TAF5: variants seen among roughly 807,000 people sequenced by gnomAD.
TAF5 encodes the protein TATA-box binding protein associated factor 5.
Under a neutral mutation model 80.9 loss-of-function variants are expected in TAF5, and 20 were observed. The observed-to-expected ratio is 0.25, with a 90% confidence interval of 0.17 to 0.36. The LOEUF (loss-of-function observed/expected upper bound fraction) is 0.36. Among genes scored for constraint, TAF5 ranks in the 10% least tolerant of loss-of-function variants. The probability of loss-of-function intolerance (pLI) is 1.00; values close to 1 mark genes in which losing one functional copy is unlikely to be tolerated. For missense variants in TAF5, 863 were observed against 1,029.4 expected (o/e 0.84, Z 2.21); for synonymous variants, 388 against 406.4 (o/e 0.95, Z 0.55).
chr10:103,388,093 A>G lies in TAF5; in HGVS notation c.2273A>G (p.His758Arg). ...GATGACTTTACTACAGCCACTGGGC[A>G]TATAAATTTACCTGAGAATTCACAG... ...ETDDFTTATG[H>R]INLPENSQEL... The change falls in exon 11 of 11, where the codon CAT (histidine) becomes CGT (arginine). Residue 758 changes from histidine (H) to arginine (R), a missense_variant. His to Arg is a conservative substitution (Grantham distance 29). Coordinates refer to ENST00000369839, the MANE Select transcript of TAF5 (RefSeq NM_006951.5). 1 of 1,614,138 alleles carries G rather than the reference A, an allele frequency of 6.2e-7. No individual in the cohort carries two copies. Among genetic ancestry groups the G allele is most frequent in the Non-Finnish European group, 8.5e-7 (1 of 1,179,982 alleles).
rs200329964 is a variant in TAF5, at chr10:103,379,865, C to G, written c.1278-19C>G. ...GTTAATAGTCAAAAGGTAATTTTGA[C>G]TCTCTTTTTCTTTCACAGAATCCCT... is the stretch of plus-strand genomic sequence containing the variant. On this transcript the variant is annotated intron_variant, in intron 4 of 10. Transcript: ENST00000369839. 619 of 1,606,868 alleles carry G rather than the reference C, an allele frequency of 3.9e-4. No individual in the cohort carries two copies. Among genetic ancestry groups the G allele is most frequent in the Non-Finnish European group, 5.0e-4 (591 of 1,177,894 alleles).
intron 7 of TAF5, among the ~76,000 whole-genome samples, chr10:103,383,953 C>T (rs1483760091): frequency 1.1e-5 from 1 of 92,950 alleles, no homozygotes; most frequent in Non-Finnish European, 2.9e-5. Context: ...TTAGTATTTC[C>T]CTTTTTTTTT....
chr10:103,370,390 A>C (rs1162440071), intron 1 of TAF5, among the ~76,000 whole-genome samples: 6 of 112,018 alleles, frequency 5.4e-5, no homozygotes, highest in African/African-American at 2.1e-4. Context: ...CAGTGGTGTG[A>C]TCTTGGCTCA....
In TAF5 at chr10:103,368,699, G is replaced by T; in HGVS notation, c.559+151G>T. On this transcript the variant is annotated intron_variant, in intron 1 of 10. Coordinates refer to ENST00000369839, the MANE Select transcript of TAF5 (RefSeq NM_006951.5). ...ATGCCCGCCCCTTTCTCTAGTGCGC[G>T]GGCTGCGCAGTCAAACCCCCTTCCG... 3 of 1,092,818 alleles carry T rather than the reference G, an allele frequency of 2.7e-6. No individual in the cohort carries two copies. The South Asian group carries it at 6.1e-5, about 22-fold the overall frequency. The allele number at this position is 1,092,818 out of a possible 1,614,324, so 67.7% of individuals were successfully genotyped here.
Position 103,368,325 on chromosome 10 carries a change from C to G in TAF5, c.336C>G (p.Ala112=), listed in dbSNP as rs78702046. The change falls in exon 1 of 11, where the codon GCC becomes GCG. Residue 112 remains alanine, a synonymous_variant. Coordinates refer to ENST00000369839, the MANE Select transcript of TAF5 (RefSeq NM_006951.5). The part of the protein sequence containing the change: ...QFLRQSKLRE[A]EEALRREAGL... ...TACGGCAGAGCAAACTCCGCGAGGCCGAAGAGGCGCTGCGCCGTGAGGCCG... is the reference window on the plus strand; with the variant it reads ...TACGGCAGAGCAAACTCCGCGAGGCGGAAGAGGCGCTGCGCCGTGAGGCCG... 1 of 1,582,422 alleles carries G rather than the reference C, an allele frequency of 6.3e-7. No individual in the cohort carries two copies. The highest frequency in any genetic ancestry group is 8.5e-7 in the Non-Finnish European group (1 of 1,173,168).
chr10:103,379,817 C>T (rs775829170), intron 4 of TAF5, 46 bp downstream of exon 4: 22 of 1,595,812 alleles, frequency 1.4e-5, no homozygotes, highest in African/African-American at 4.1e-5. Flanking sequence ...TATAAGACAA[C>T]ATGTTATATA....
Position 103,388,380 on chromosome 10 carries a change from CG to C in TAF5, c.*158del. 1.6e-6 allele frequency: 1 copy of C among 626,114 alleles called. No homozygotes were observed. The highest frequency in any genetic ancestry group is 2.7e-6 in the Non-Finnish European group (1 of 370,118). The allele number at this position is 626,114 out of a possible 1,614,324, so 38.8% of individuals were successfully genotyped here. A position where few individuals can be genotyped will look rare whatever the true frequency, so the allele number is the denominator to read the frequency against. On this transcript the variant is annotated 3_prime_UTR_variant, in exon 11 of 11. Transcript: ENST00000369839. ...GAAAAATCTGAACAGGACAGTTCCA[CG>C]TTTCTATAGCAACCACATTTGACTA...
intron 1 of TAF5, among the ~76,000 whole-genome samples, chr10:103,369,914 T>C (rs923734175): frequency 3.9e-5 from 6 of 152,112 alleles, no homozygotes; most frequent in African/African-American, 1.4e-4. Flanking sequence ...ATTGTCATTA[T>C]TTTTTTAGTT....
chr10:103,374,845 GC>G lies in TAF5; in HGVS notation c.797+1253del, dbSNP rs2093366997. On this transcript the variant is annotated intron_variant, in intron 2 of 10. Coordinates refer to ENST00000369839, the MANE Select transcript of TAF5 (RefSeq NM_006951.5). The surrounding 1 kb of genome is among the most constrained non-coding windows in gnomAD (Gnocchi z 4.3). ...GACCATTTGAAAATGTGTAGAGGTGGCCCGGCGCTGCGGCTCACGCCTTTAA... is the reference window on the plus strand; with the variant it reads ...GACCATTTGAAAATGTGTAGAGGTGGCCGGCGCTGCGGCTCACGCCTTTAA... Among the ~76,000 whole-genome samples, 2 of 152,318 alleles carry G rather than the reference GC, an allele frequency of 1.3e-5. No individual in the cohort carries two copies. Among genetic ancestry groups the G allele is most frequent in the South Asian group, 4.1e-4 (2 of 4,822 alleles).
Position 103,373,377 on chromosome 10 carries a change from A to G in TAF5, c.579A>G (p.Glu193=). Residue 193 remains glutamate (E), a synonymous_variant, in exon 2 of 11, where the codon GAA becomes GAG. Coordinates refer to ENST00000369839, the MANE Select transcript of TAF5 (RefSeq NM_006951.5). ...APGKVGSVAV[E]DQPDVSAVLS... is the part of the protein sequence containing the mutation. ...AAATAGTTGGAAGTGTTGCTGTGGA[A>G]GACCAGCCAGATGTCAGTGCCGTGT... The G allele has an allele frequency of 1.9e-6, 3 of 1,613,866 alleles. No homozygotes were observed. The highest frequency in any genetic ancestry group is 2.5e-6 in the Non-Finnish European group (3 of 1,179,958).
At position 103,388,027 on chromosome 10, in the gene TAF5, G is replaced by A. The variant is rs756564047; in HGVS notation, c.2207G>A (p.Arg736Gln). The A allele has an allele frequency of 4.3e-6, 7 of 1,613,976 alleles. No individual in the cohort carries two copies. Among genetic ancestry groups the A allele is most frequent in the South Asian group, 1.1e-5 (1 of 91,050 alleles). Reference protein sequence around the residue: ...LASGSMDNTVRLWDAIKAFED... With the variant: ...LASGSMDNTVQLWDAIKAFED... ...TTAGGTTCAATGGATAATACAGTTC[G>A]ATTATGGGATGCTATCAAAGCCTTT... is the stretch of plus-strand genomic sequence containing the variant. Residue 736 changes from arginine to glutamine, a missense_variant, in exon 11 of 11, where the codon CGA becomes CAA. Physicochemically the swap from Arg to Gln is conservative, Grantham distance 43. Coordinates refer to ENST00000369839, the MANE Select transcript of TAF5 (RefSeq NM_006951.5).
Position 103,379,913 on chromosome 10 carries a change from A to G in TAF5, c.1307A>G (p.Asp436Gly), listed in dbSNP as rs2093378505. 3.1e-6 allele frequency: 5 copies of G among 1,613,234 alleles called. No individual in the cohort carries two copies. Among genetic ancestry groups the G allele is most frequent in the African/African-American group, 1.3e-5 (1 of 74,862 alleles). ...RIPLPELKDS[D>G]KLDKIMNMKE... ...CCTCTTCCTGAGTTGAAAGATTCAG[A>G]TAAGTTGGATAAGATAATGAATATG... Residue 436 changes from aspartate to glycine, a missense_variant, in exon 5 of 11, where the codon GAT (aspartate) becomes GGT (glycine). By Grantham distance (94) the Asp-to-Gly change is moderately conservative. Coordinates refer to ENST00000369839, the MANE Select transcript of TAF5 (RefSeq NM_006951.5).
Position 103,378,095 on chromosome 10 carries a change from C to T in TAF5, c.798-140C>T, listed in dbSNP as rs1293573593. ...ATTATAGTCATTTTGAAATGAGTTACTTCTTATCCTACAGCTTAGTTCAGG... is the reference window on the plus strand; with the variant it reads ...ATTATAGTCATTTTGAAATGAGTTATTTCTTATCCTACAGCTTAGTTCAGG... On this transcript the variant is annotated intron_variant, in intron 2 of 10. Transcript: ENST00000369839. This position sits in a 1 kb window ranked among gnomAD's most constrained non-coding sequence, Gnocchi z 4.1. 1.7e-5 allele frequency: 11 copies of T among 650,216 alleles called. No homozygotes were observed. In the Admixed American group the frequency reaches 3.0e-4, roughly 18 times the overall value. 40.3% of individuals were successfully genotyped at this position (650,216 alleles called of 1,614,324 possible).
chr10:103,382,486 A>G lies in TAF5; in HGVS notation c.1534+645A>G, dbSNP rs146597558. 5.9e-4 allele frequency among the ~76,000 whole-genome samples: 89 copies of G among 151,902 alleles called. No individual in the cohort carries two copies. The East Asian group carries it at 0.017, about 29-fold the overall frequency. ...GTGATCCGCCTGTCTGGCCTCCCAA[A>G]GTGCTGGAATTATAGGTGGCTCACT... is the stretch of plus-strand genomic sequence containing the variant. On this transcript the variant is annotated intron_variant, in intron 6 of 10. Coordinates refer to ENST00000369839, the MANE Select transcript of TAF5 (RefSeq NM_006951.5).
rs2133641517 is a variant in TAF5 at position 103,388,913 on chromosome 10, T to C, written c.*690T>C. On this transcript the variant is annotated 3_prime_UTR_variant, in exon 11 of 11. Coordinates refer to ENST00000369839, the MANE Select transcript of TAF5 (RefSeq NM_006951.5). The stretch of plus-strand genomic sequence containing the variant: ...AGTACACTTGAAGTCAGACAGACAT[T>C]TCAGTTGCTTACCTCCAGTACTGAG... The C allele has an allele frequency of 6.5e-6, 1 of 152,838 alleles. No individual in the cohort carries two copies. Among genetic ancestry groups the C allele is most frequent in the East Asian group, 1.9e-4 (1 of 5,192 alleles). 9.5% of individuals were successfully genotyped at this position (152,838 alleles called of 1,614,324 possible).
Position 103,385,319 on chromosome 10 carries a change from C to T in TAF5, c.1665-7C>T. On this transcript the variant is annotated splice_polypyrimidine_tract_variant and splice_region_variant and intron_variant, in intron 7 of 10. Transcript: ENST00000369839. ...GGAGTCAAATATATCACCTTCTCTT[C>T]TCTCAGGAACTATCTGCTTTCCTCT... 1 of 1,595,818 alleles carries T rather than the reference C, an allele frequency of 6.3e-7. No homozygotes were observed. The highest frequency in any genetic ancestry group is 1.1e-5 in the South Asian group (1 of 89,544).
chr10:103,387,706 AC>A lies in TAF5; in HGVS notation c.2185+9del. The A allele has an allele frequency of 1.9e-6, 3 of 1,608,728 alleles. No individual in the cohort carries two copies. The highest frequency in any genetic ancestry group is 1.3e-5 in the African/African-American group (1 of 74,892). On this transcript the variant is annotated intron_variant, in intron 10 of 10. Coordinates refer to ENST00000369839, the MANE Select transcript of TAF5 (RefSeq NM_006951.5). Reference sequence around the variant, plus strand: ...GTGAAATTTTGGCATCAGGTAAATGACTATTAATGGCTTTACGATAAATGCT... The same window carrying A: ...GTGAAATTTTGGCATCAGGTAAATGATATTAATGGCTTTACGATAAATGCT...
chr10:103,386,954 T>C lies in TAF5; in HGVS notation c.1830-221T>C, dbSNP rs977644950. ...CTAGAAGTGTAAGCGTGAGCCCCCA[T>C]GCCTGGCAAGACCTCAGCTTAAAAA... On this transcript the variant is annotated intron_variant, in intron 8 of 10. Coordinates refer to ENST00000369839, the MANE Select transcript of TAF5 (RefSeq NM_006951.5). Among the ~76,000 whole-genome samples, 5 of 149,704 alleles carry C rather than the reference T, an allele frequency of 3.3e-5. No individual in the cohort carries two copies. The East Asian group carries it at 9.8e-4, about 29-fold the overall frequency.
At chr10:103,373,648 TGC>T in intron 2 of TAF5, 53 bp downstream of exon 2, 2 of 1,310,112 alleles carry the variant, frequency 1.5e-6, no homozygotes, top group Non-Finnish European at 1.1e-6. Context: ...TGTGTGTGTG[TGC>T]GTGCATATGT....
Sources: allele counts gnomAD v4.1 joint callset (sites outside exome capture counted in the v4.1 genomes callset), GRCh38; gene constraint gnomAD v4.1.1; non-coding constraint Gnocchi (gnomAD v3.1); transcripts MANE v1.5; gene names NCBI Gene and HGNC (gene_info 2026-07-23, HGNC 2026-07-21).